Variants in CHD1 observed in about 807,000 individuals in gnomAD.
CHD1 encodes ATP-dependent chromatin remodeler CHD1.
CHD1 carries 36 observed loss-of-function variants against 224.2 expected under a neutral mutation model. That is an observed-to-expected ratio of 0.16 (90% confidence interval 0.12 to 0.21). The LOEUF is 0.21. Ranked by LOEUF, CHD1 falls within the 10% of genes least tolerant of loss-of-function variation. The pLI, the probability that CHD1 is intolerant of heterozygous loss-of-function variation, is 1.00. For missense variants in CHD1, 1,378 were observed against 1,994.8 expected, an observed-to-expected ratio of 0.69 and a Z score of 5.89; for synonymous variants, 668 against 658.3, an observed-to-expected ratio of 1.01 and a Z score of -0.23.
Position 98,881,391 on chromosome 5 carries a change from C to G in CHD1, c.2868-16G>C, listed in dbSNP as rs374141016. ...AGGAGTAGAACTAAAACAGGAAAAA[C>G]AAAAATGCTTAACATTAACAGTTAA... On this transcript the variant is annotated splice_polypyrimidine_tract_variant and intron_variant, in intron 20 of 35. Coordinates refer to ENST00000614616, the MANE Select transcript of CHD1 (RefSeq NM_001270.4). 4.0e-6 allele frequency: 5 copies of G among 1,261,042 alleles called. No individual in the cohort carries two copies. The highest frequency in any genetic ancestry group is 4.4e-6 in the Non-Finnish European group (4 of 916,656). 78.1% of individuals were successfully genotyped at this position (1,261,042 alleles called of 1,614,324 possible).
chr5:98,875,180 T>G, intron 24 of CHD1, 67 bp from the exon 25 acceptor site: 1 of 860,116 alleles, frequency 1.2e-6, no homozygotes, highest in Non-Finnish European at 1.9e-6. Flanking sequence ...GTATTTCTGA[T>G]ATTTACAGAT....
intron 2 of CHD1, among the ~76,000 whole-genome samples, chr5:98,924,975 C>T (rs1234470859): frequency 2.0e-5 from 3 of 149,198 alleles, no homozygotes; most frequent in African/African-American, 7.4e-5. Context: ...AAGACTCTGT[C>T]TCAAAAAAAA....
Position 98,881,990 on chromosome 5 carries a change from C to T in CHD1, c.2852G>A (p.Gly951Asp). The change falls in exon 20 of 36, where the codon GGT becomes GAT. Residue 951 changes from glycine (G) to aspartate (D), a missense_variant. Gly to Asp is a moderately conservative substitution (Grantham distance 94, BLOSUM62 -1). Around this residue, in one of 16 missense-constraint regions of CHD1, gnomAD observed 286 missense variants for 445.1 expected, o/e 0.64. Transcript: ENST00000614616. ...DTTGKTVLHT[G>D]SAPSSSTPFN... ...AAGTAACCACCTTGATGGGGCAGAA[C>T]CTGTATGTAGTACTGTCTTCCCAGT... 1.2e-6 allele frequency: 2 copies of T among 1,613,168 alleles called. No homozygotes were observed. The highest frequency in any genetic ancestry group is 1.1e-5 in the South Asian group (1 of 90,968).
Position 98,902,960 on chromosome 5 carries a change from G to A in CHD1, c.377C>T (p.Ser126Phe). The A allele has an allele frequency of 1.3e-6, 2 of 1,587,274 alleles. No homozygotes were observed. The highest frequency in any genetic ancestry group is 1.7e-6 in the Non-Finnish European group (2 of 1,159,244). Reference protein sequence around the residue: ...ASSNSGSEEDSSSSEDSDDSS... With the variant: ...ASSNSGSEEDFSSSEDSDDSS... Reference sequence around the variant, plus strand: ...GTCATCGGAATCTTCACTGCTAGAGGAATCCTGTAGAAAAGAAATAAAGTC... The same window carrying A: ...GTCATCGGAATCTTCACTGCTAGAGAAATCCTGTAGAAAAGAAATAAAGTC... Residue 126 changes from serine (S) to phenylalanine (F), a missense_variant, in exon 5 of 36, where the codon TCC (serine) becomes TTC (phenylalanine). Physicochemically the swap from Ser to Phe is radical, Grantham distance 155 (BLOSUM62 -2). This residue lies in a region of CHD1 where 306 missense variants were observed against 298.1 expected (regional missense o/e 1.03). Coordinates refer to ENST00000614616, the MANE Select transcript of CHD1 (RefSeq NM_001270.4).
intron 23 of CHD1, among the ~76,000 whole-genome samples, chr5:98,877,248 C>T (rs960138000): frequency 2.0e-5 from 3 of 152,058 alleles, no homozygotes; most frequent in South Asian, 4.1e-4. Flanking sequence ...TGCTGAGACA[C>T]CATTAAAAAT....
chr5:98,901,585 A>T (rs2112527780), intron 5 of CHD1, among the ~76,000 whole-genome samples: 1 of 152,258 alleles, frequency 6.6e-6, no homozygotes, highest in South Asian at 2.1e-4. Context: ...TGATATTTTA[A>T]TTTTCATTAT....
chr5:98,907,256 G>GT (rs1752102857), intron 2 of CHD1, among the ~76,000 whole-genome samples: 1 of 152,154 alleles, frequency 6.6e-6, no homozygotes, highest in Non-Finnish European at 1.5e-5. Context: ...ACTGAATAAA[G>GT]TATTTATTTT....
intron 32 of CHD1, among the ~76,000 whole-genome samples, chr5:98,861,841 T>A (rs1748499401): frequency 6.6e-6 from 1 of 151,802 alleles, no homozygotes. Context: ...CAGCCAATGA[T>A]AGGTCTTAAT....
chr5:98,862,450 G>C (rs936048201), intron 32 of CHD1, among the ~76,000 whole-genome samples: 2 of 152,148 alleles, frequency 1.3e-5, no homozygotes, highest in Admixed American at 6.5e-5. Flanking sequence ...CTGGCTATTA[G>C]TCTCTCTTCT....
At position 98,898,548 on chromosome 5, in the gene CHD1, T is replaced by C. The variant is rs563126882; in HGVS notation, c.1187-114A>G. 10 of 1,226,846 alleles carry C rather than the reference T, an allele frequency of 8.2e-6. No homozygotes were observed. The East Asian group carries it at 1.7e-4, about 21-fold the overall frequency. 76.0% of individuals were successfully genotyped at this position (1,226,846 alleles called of 1,614,324 possible). ...TAAAATTTAGCTATCTAGTTTACAA[T>C]ACTGTTTTAGTAAGAGCAAGCTACT... On this transcript the variant is annotated intron_variant, in intron 9 of 35. Transcript: ENST00000614616.
chr5:98,876,329 G>T, intron 24 of CHD1, 69 bp downstream of exon 24: 1 of 1,454,518 alleles, frequency 6.9e-7, no homozygotes. Flanking sequence ...TGAAAATTAC[G>T]GCGTTTTTAC....
At chr5:98,868,861 C>G (rs1449131294) in intron 30 of CHD1, 4 of 538,228 alleles carry the variant, frequency 7.4e-6, no homozygotes, top group Non-Finnish European at 2.8e-6. Context: ...AAAGAGTGTT[C>G]AGACCTACTA....
chr5:98,898,633 G>C, intron 9 of CHD1, 31 bp downstream of exon 9: 3 of 1,377,852 alleles, frequency 2.2e-6, no homozygotes, highest in Non-Finnish European at 3.0e-6. Context: ...AGCATAAAAA[G>C]AAAGTTTAAC....
At position 98,858,304 on chromosome 5, in the gene CHD1, C is replaced by G; in HGVS notation, c.4663G>C (p.Asp1555His). ...SSDRHLTQYHDHHKDRHQGDS... is the reference protein window; with the variant it reads ...SSDRHLTQYHHHHKDRHQGDS... Reference sequence around the variant, plus strand: ...CCCTGATGTCGGTCTTTATGATGATCATGGTACTGAGTTAAGTGTCTATCA... The same window carrying G: ...CCCTGATGTCGGTCTTTATGATGATGATGGTACTGAGTTAAGTGTCTATCA... Residue 1555 changes from aspartate to histidine, a missense_variant, in exon 35 of 36, where the codon GAT becomes CAT. Around this residue, in one of 16 missense-constraint regions of CHD1, gnomAD observed 278 missense variants for 298.5 expected, o/e 0.93. Coordinates refer to ENST00000614616, the MANE Select transcript of CHD1 (RefSeq NM_001270.4). The G allele has an allele frequency of 1.2e-6, 2 of 1,613,146 alleles. No individual in the cohort carries two copies. Among genetic ancestry groups the G allele is most frequent in the South Asian group, 1.1e-5 (1 of 91,046 alleles).
chr5:98,868,654 G>C lies in CHD1; in HGVS notation c.4108-19C>G, dbSNP rs755847112. ...CACTCAACTAAAGAAAAAGTGAAAA[G>C]AAAACAAAAACAAAACCCCAATAGC... On this transcript the variant is annotated intron_variant, in intron 30 of 35. Transcript: ENST00000614616. 1.2e-5 allele frequency: 18 copies of C among 1,521,326 alleles called. No individual in the cohort carries two copies. The highest frequency in any genetic ancestry group is 2.4e-5 in the East Asian group (1 of 42,162). The allele number at this position is 1,521,326 out of a possible 1,614,324, so 94.2% of individuals were successfully genotyped here.
In CHD1 at chr5:98,863,397, G is replaced by A. The variant is rs1561480012; in HGVS notation, c.4427+11C>T. 2 of 1,459,830 alleles carry A rather than the reference G, an allele frequency of 1.4e-6. No individual in the cohort carries two copies. The highest frequency in any genetic ancestry group is 2.9e-5 in the African/African-American group (2 of 68,624). 90.4% of individuals were successfully genotyped at this position (1,459,830 alleles called of 1,614,324 possible). A position where few individuals can be genotyped will look rare whatever the true frequency, so the allele number is the denominator to read the frequency against. ...ATAAATTTAACACTTCCTGAAAAGT[G>A]TATCACTTACTTTCTCCATTGCTTA... On this transcript the variant is annotated intron_variant, in intron 32 of 35. Transcript: ENST00000614616.
chr5:98,911,397 G>A (rs554004885), intron 2 of CHD1, among the ~76,000 whole-genome samples: 1 of 152,062 alleles, frequency 6.6e-6, no homozygotes, highest in Non-Finnish European at 1.5e-5. Context: ...AAGGGTATTA[G>A]TCTTAGAAAA....
chr5:98,857,845 A>G (rs1012602788), intron 35 of CHD1, among the ~76,000 whole-genome samples: 5 of 152,050 alleles, frequency 3.3e-5, no homozygotes, highest in African/African-American at 4.8e-5. Context: ...TCACTATTAT[A>G]TCAAGCTTTT....
chr5:98,854,347 C>CACAAT lies in CHD1; in HGVS notation c.*2028_*2032dup, dbSNP rs1487938773. The CACAAT allele has an allele frequency of 7.9e-6, 1 of 126,298 alleles. No individual in the cohort carries two copies. The highest frequency in any genetic ancestry group is 3.8e-5 in the African/African-American group (1 of 26,548). 7.8% of individuals were successfully genotyped at this position (126,298 alleles called of 1,614,324 possible). A position where few individuals can be genotyped will look rare whatever the true frequency, so the allele number is the denominator to read the frequency against. On this transcript the variant is annotated 3_prime_UTR_variant, in exon 36 of 36. Transcript: ENST00000614616. ...ATGCAACATTGTTCTGTGAAATTTGCACAATATAATGCAAATATCTTAGCT... is the reference window on the plus strand; with the variant it reads ...ATGCAACATTGTTCTGTGAAATTTGCACAATACAATATAATGCAAATATCTTAGCT...
Sources: gnomAD v4.1 joint callset for allele counts (sites outside exome capture counted in the v4.1 genomes callset) on GRCh38, gnomAD v4.1.1 for gene constraint, gnomAD v4.1.1 regional missense constraint, MANE v1.5 for transcripts, NCBI Gene and HGNC (gene_info 2026-07-23, HGNC 2026-07-21) for gene names.